Variants in GDA observed in about 807,000 individuals in gnomAD.
GDA encodes the protein guanine deaminase.
A neutral mutation model predicts 59.6 loss-of-function variants in GDA; 18 were observed. The observed-to-expected ratio is 0.30, with a 90% CI of 0.21 to 0.45. The LOEUF is 0.45. GDA is among the 20% of genes least tolerant of loss of function. The pLI is 1.00. For missense variants in GDA, 427 were observed against 552.3 expected, an observed-to-expected ratio of 0.77 and a Z score of 2.27; for synonymous variants, 201 against 201.1, an observed-to-expected ratio of 1.00 and a Z score of 0.00.
intron 10 of GDA, among the ~76,000 whole-genome samples, chr9:72,237,428 C>T (rs1839141770): frequency 6.6e-6 from 1 of 152,168 alleles, no homozygotes; most frequent in South Asian, 2.1e-4. Context: ...TTCGTTCTTC[C>T]CTTCTTTCTC....
Position 72,249,276 on chromosome 9 carries a change from C to T in GDA, c.*934C>T, listed in dbSNP as rs961583742. ...GCCGCCAATACTAACAGGACAGGTT[C>T]CATTGCCATGGCCTATTCCACCCAA... On this transcript the variant is annotated 3_prime_UTR_variant, in exon 14 of 14. Coordinates refer to ENST00000358399, the MANE Select transcript of GDA (RefSeq NM_004293.5). 2.1e-5 allele frequency: 21 copies of T among 985,188 alleles called. No individual in the cohort carries two copies. The highest frequency in any genetic ancestry group is 2.3e-5 in the Non-Finnish European group (19 of 829,870). The allele number at this position is 985,188 out of a possible 1,614,324, so 61.0% of individuals were successfully genotyped here.
chr9:72,165,897 C>CA (rs1279218324), intron 1 of GDA, among the ~76,000 whole-genome samples: 1,256 of 95,478 alleles, frequency 0.013, 6 homozygotes, highest in African/African-American at 0.038. Context: ...GACTCTGTCT[C>CA]AAAAAAAAAA....
At chr9:72,231,254 C>T in intron 10 of GDA, 73 bp downstream of exon 10, 1 of 843,064 alleles carries the variant, frequency 1.2e-6, no homozygotes, top group Non-Finnish European at 2.1e-6. Flanking sequence ...GACTAATTTG[C>T]AGGTGACTGT....
intron 4 of GDA, among the ~76,000 whole-genome samples, chr9:72,213,473 GA>G (rs1241524131): frequency 6.6e-6 from 1 of 152,064 alleles, no homozygotes; most frequent in African/African-American, 2.4e-5. Flanking sequence ...TTCCATATAT[GA>G]TTTTAATTTA....
At chr9:72,166,090 G>T (rs917679137) in intron 1 of GDA, among the ~76,000 whole-genome samples, 2 of 152,160 alleles carry the variant, frequency 1.3e-5, no homozygotes, top group Admixed American at 6.5e-5. Context: ...ACCTTTGTAT[G>T]TATGAATGGA....
chr9:72,157,180 C>T lies in GDA; in HGVS notation c.123+7498C>T, dbSNP rs187252963. ...TCAGCCTCCCGAGGAGGTGGGATTACGGGCACTCACCACCATGGCCAGCTA... is the reference window on the plus strand; with the variant it reads ...TCAGCCTCCCGAGGAGGTGGGATTATGGGCACTCACCACCATGGCCAGCTA... On this transcript the variant is annotated intron_variant, in intron 1 of 13. Transcript: ENST00000358399. 2.3e-3 allele frequency among the ~76,000 whole-genome samples: 345 copies of T among 152,010 alleles called. 2 individuals are homozygous for T. The highest frequency in any genetic ancestry group is 4.0e-3 in the Non-Finnish European group (271 of 67,988).
chr9:72,203,079 C>A (rs1159751563), intron 3 of GDA, among the ~76,000 whole-genome samples: 1 of 152,112 alleles, frequency 6.6e-6, no homozygotes, highest in Non-Finnish European at 1.5e-5. Context: ...TTCTGAGGAC[C>A]ATATGGATTC....
chr9:72,223,462 C>G (rs934516792), intron 7 of GDA, among the ~76,000 whole-genome samples: 3 of 152,170 alleles, frequency 2.0e-5, no homozygotes, highest in African/African-American at 7.2e-5. Context: ...TCAATGTTTT[C>G]TGATCAGTCT....
At chr9:72,145,384 A>T (rs1826590971), upstream of GDA, among the ~76,000 whole-genome samples, 1 of 152,200 alleles carries the variant, frequency 6.6e-6, no homozygotes, top group South Asian at 2.1e-4. Flanking sequence ...ATCCTATATT[A>T]ACTGCACAGG....
At chr9:72,253,388 A>T (rs1238128984), downstream of GDA, 1 of 152,048 alleles carries the variant, frequency 6.6e-6, no homozygotes, top group Non-Finnish European at 1.5e-5. Flanking sequence ...TAGGTATGAA[A>T]CCCAGAGTGG....
chr9:72,183,630 C>T (rs978639383), intron 1 of GDA, among the ~76,000 whole-genome samples: 4 of 152,268 alleles, frequency 2.6e-5, no homozygotes, highest in Admixed American at 6.5e-5. Flanking sequence ...CTGCCAGATG[C>T]GTAATTTTGG....
intron 4 of GDA, among the ~76,000 whole-genome samples, chr9:72,211,507 G>A (rs538285806): frequency 2.0e-4 from 31 of 152,208 alleles, no homozygotes; most frequent in Non-Finnish European, 5.9e-5. Context: ...CATAGCAGGT[G>A]CTCAGTAAAT....
At chr9:72,169,163 T>G (rs1419572822) in intron 1 of GDA, among the ~76,000 whole-genome samples, 2 of 152,238 alleles carry the variant, frequency 1.3e-5, no homozygotes, top group African/African-American at 4.8e-5. Flanking sequence ...TTGTTTCATG[T>G]CAGGGCTTTA....
chr9:72,204,359 A>G (rs1217358596), intron 3 of GDA, among the ~76,000 whole-genome samples: 3 of 152,220 alleles, frequency 2.0e-5, no homozygotes, highest in African/African-American at 4.8e-5. Flanking sequence ...ATTGCGTAGT[A>G]TACAACAAAA....
intron 2 of GDA, among the ~76,000 whole-genome samples, chr9:72,197,085 T>G (rs1384606951): frequency 2.0e-5 from 3 of 152,224 alleles, no homozygotes; most frequent in African/African-American, 7.2e-5. Flanking sequence ...AGAGGAACAT[T>G]GAACTAGGAA....
chr9:72,202,814 T>G, intron 3 of GDA, 72 bp downstream of exon 3: 1 of 1,201,632 alleles, frequency 8.3e-7, no homozygotes, highest in Non-Finnish European at 1.2e-6. Context: ...TAGGACAGAT[T>G]TAAATTATAA....
intron 1 of GDA, among the ~76,000 whole-genome samples, chr9:72,151,125 A>G (rs886896257): frequency 6.6e-6 from 1 of 152,226 alleles, no homozygotes; most frequent in Non-Finnish European, 1.5e-5. Context: ...AAAGGAAGTA[A>G]TAAAAATACC....
chr9:72,227,194 A>G (rs1246351674), intron 8 of GDA, among the ~76,000 whole-genome samples: 1 of 152,294 alleles, frequency 6.6e-6, no homozygotes, highest in East Asian at 1.9e-4. Context: ...TTTTGTACTG[A>G]GAGAAAAATA....
At chr9:72,156,809 C>G (rs1256571265) in intron 1 of GDA, among the ~76,000 whole-genome samples, 1 of 152,124 alleles carries the variant, frequency 6.6e-6, no homozygotes, top group Non-Finnish European at 1.5e-5. Context: ...TTCTGACATA[C>G]AGGAAGTTTG....
Sources: gnomAD v4.1 joint callset for allele counts (sites outside exome capture counted in the v4.1 genomes callset) on GRCh38, gnomAD v4.1.1 for gene constraint, MANE v1.5 for transcripts, NCBI Gene and HGNC (gene_info 2026-07-23, HGNC 2026-07-21) for gene names.